CIMAP3: variants seen among roughly 807,000 people sequenced by gnomAD.
The protein encoded by CIMAP3 is ciliary microtubule associated protein 3.
At chr1:111,337,894 T>C in the CIMAP3 span, among the ~76,000 whole-genome samples, 1 of 151,076 alleles carries the variant, frequency 6.6e-6, no homozygotes, top group Non-Finnish European at 1.5e-5. Flanking sequence ...AGAATATACA[T>C]TTTTTTCAGC....
the CIMAP3 span, among the ~76,000 whole-genome samples, chr1:111,335,882 T>C: frequency 2.0e-5 from 3 of 152,214 alleles, no homozygotes; most frequent in Non-Finnish European, 2.9e-5. Context: ...GATCTGAGAA[T>C]GGGCAGACTG....
chr1:111,351,853 A>C, the CIMAP3 span: 1 of 152,432 alleles, frequency 6.6e-6, no homozygotes, highest in African/African-American at 2.4e-5. Context: ...AAAACCAAAA[A>C]ATTGCCCCTT....
At chr1:111,337,859 A>G in the CIMAP3 span, among the ~76,000 whole-genome samples, 1 of 151,988 alleles carries the variant, frequency 6.6e-6, no homozygotes. Context: ...ATAGACATCT[A>G]CAGAACTCTC....
At chr1:111,328,190 T>G in the CIMAP3 span, among the ~76,000 whole-genome samples, 1 of 152,242 alleles carries the variant, frequency 6.6e-6, no homozygotes, top group Admixed American at 6.5e-5. Context: ...ACTTCTATTT[T>G]TATTGTGCTG....
chr1:111,346,952 A>G, the CIMAP3 span: 1 of 1,613,836 alleles, frequency 6.2e-7, no homozygotes, highest in Non-Finnish European at 8.5e-7. Flanking sequence ...CAACAGAGGA[A>G]ACTTTTTCCT....
chr1:111,349,333 G>A, the CIMAP3 span: 2 of 152,376 alleles, frequency 1.3e-5, no homozygotes, highest in African/African-American at 4.8e-5. Context: ...GAACAAAAAG[G>A]CATGCTGCCA....
chr1:111,327,654 C>T, the CIMAP3 span, among the ~76,000 whole-genome samples: 3 of 152,072 alleles, frequency 2.0e-5, no homozygotes, highest in African/African-American at 7.2e-5. Flanking sequence ...TAGAGGTGTT[C>T]TTAGTAGTTT....
the CIMAP3 span, chr1:111,346,523 A>G: frequency 1.4e-5 from 20 of 1,431,986 alleles, no homozygotes; most frequent in South Asian, 6.7e-5. Flanking sequence ...GGCTCGGTGG[A>G]CGCCCCAACT....
At chr1:111,345,250 T>C in the CIMAP3 span, among the ~76,000 whole-genome samples, 5 of 152,256 alleles carry the variant, frequency 3.3e-5, no homozygotes, top group African/African-American at 1.2e-4. Context: ...GACAAAATGC[T>C]TGGAGTAAAT....
At chr1:111,350,105 G>T in the CIMAP3 span, 9 of 1,609,394 alleles carry the variant, frequency 5.6e-6, no homozygotes, top group South Asian at 9.9e-5. Context: ...TTTATTTCTA[G>T]CCCTGGTGCA....
the CIMAP3 span, chr1:111,348,520 T>G: frequency 1.2e-6 from 2 of 1,600,880 alleles, no homozygotes; most frequent in Non-Finnish European, 1.7e-6. Context: ...AAACAGGAAA[T>G]GACACCTCAT....
the CIMAP3 span, among the ~76,000 whole-genome samples, chr1:111,341,847 C>T: frequency 6.6e-6 from 1 of 151,578 alleles, no homozygotes; most frequent in Non-Finnish European, 1.5e-5. Flanking sequence ...TCTCGTTTCA[C>T]TTGAAAAGCT....
the CIMAP3 span, chr1:111,348,711 T>C: frequency 6.9e-7 from 1 of 1,442,394 alleles, no homozygotes; most frequent in Middle Eastern, 1.8e-4. Flanking sequence ...AAGTACGTAA[T>C]AAAAGAAGCA....
chr1:111,347,167 C>G, the CIMAP3 span: 1 of 1,185,930 alleles, frequency 8.4e-7, no homozygotes, highest in African/African-American at 1.5e-5. Flanking sequence ...AGAGTCCCAG[C>G]ATAAGAAAGC....
At chr1:111,340,531 C>G in the CIMAP3 span, among the ~76,000 whole-genome samples, 1 of 151,950 alleles carries the variant, frequency 6.6e-6, no homozygotes, top group African/African-American at 2.4e-5. Flanking sequence ...ACAACCCCAT[C>G]AAAAAGTGGG....
chr1:111,347,969 A>G, the CIMAP3 span, among the ~76,000 whole-genome samples: 1 of 152,222 alleles, frequency 6.6e-6, no homozygotes, highest in Non-Finnish European at 1.5e-5. Context: ...GTGTGAGTGT[A>G]CCGGGGAGAG....
the CIMAP3 span, chr1:111,347,114 CAAGTTTCGTAAAAGAAA>C: frequency 6.7e-7 from 1 of 1,500,338 alleles, no homozygotes; most frequent in Non-Finnish European, 8.9e-7. Context: ...GCCAAGTTTC[CAAGTTTCGTAAAAGAAA>C]AAATTCTGTG....
chr1:111,325,537 T>G, the CIMAP3 span, among the ~76,000 whole-genome samples: 1 of 152,206 alleles, frequency 6.6e-6, no homozygotes, highest in Non-Finnish European at 1.5e-5. Flanking sequence ...TCAATCCTGC[T>G]TTGAGTGGTA....
the CIMAP3 span, among the ~76,000 whole-genome samples, chr1:111,342,746 C>T: frequency 1.3e-5 from 2 of 152,194 alleles, no homozygotes; most frequent in Non-Finnish European, 2.9e-5. Context: ...AGTGGGAAAA[C>T]TGGTTGTCCA....
Sources: gnomAD v4.1 joint callset for allele counts (sites outside exome capture counted in the v4.1 genomes callset) on GRCh38, gnomAD v4.1.1 for gene constraint, MANE v1.5 for transcripts, NCBI Gene and HGNC (gene_info 2026-07-23, HGNC 2026-07-21) for gene names.